The following LRRC42 variants were observed in gnomAD, a reference collection of about 807,000 sequenced individuals.
LRRC42 encodes leucine-rich repeat-containing protein 42.
LRRC42 carries 43 observed loss-of-function variants against 44.3 expected under a neutral mutation model. The ratio of observed to expected loss-of-function variants is 0.97; its 90% CI spans 0.76 to 1.25. The LOEUF is 1.25. LRRC42 is among the 50% of genes most tolerant of loss of function. LRRC42 has a pLI of 0.00. For synonymous variants in LRRC42, 207 were observed against 195.2 expected (o/e 1.06, Z -0.50); for missense variants, 540 against 509.1 (o/e 1.06, Z -0.58).
rs1480364055 is a variant in LRRC42, at chr1:53,946,416, C to T, written c.-182C>T. Reference sequence around the variant, plus strand: ...CCTGGTTGCCCCCAGCCCCCTCCCTCCTCCCACCTTCACTGTGTCCCACCC... The same window carrying T: ...CCTGGTTGCCCCCAGCCCCCTCCCTTCTCCCACCTTCACTGTGTCCCACCC... On this transcript the variant is annotated 5_prime_UTR_variant, in exon 1 of 9. Transcript: ENST00000371370. 1 of 152,232 alleles carries T rather than the reference C, an allele frequency of 6.6e-6. No individual in the cohort carries two copies. Among genetic ancestry groups the T allele is most frequent in the Admixed American group, 6.5e-5 (1 of 15,276 alleles). The allele number at this position is 152,232 out of a possible 1,614,324, so 9.4% of individuals were successfully genotyped here.
chr1:53,949,460 C>G (rs1654614685), intron 2 of LRRC42, among the ~76,000 whole-genome samples: 2 of 152,164 alleles, frequency 1.3e-5, no homozygotes, highest in African/African-American at 4.8e-5. Flanking sequence ...CACGTCAGTC[C>G]TTTTTAGGGC....
Position 53,966,360 on chromosome 1 carries a change from G to C in LRRC42, c.992G>C (p.Arg331Thr), listed in dbSNP as rs1557650173. ...AVKPRETSEP[R>T]AAAQRFYGKR... Reference sequence around the variant, plus strand: ...AAGCCACGGGAGACCTCGGAGCCTAGAGCAGCAGCTCAGCGCTTCTGTGAG... The same window carrying C: ...AAGCCACGGGAGACCTCGGAGCCTACAGCAGCAGCTCAGCGCTTCTGTGAG... The change falls in exon 8 of 9, where the codon AGA (arginine) becomes ACA (threonine). Residue 331 changes from arginine to threonine, a missense_variant. Arg to Thr is a moderately conservative substitution (Grantham distance 71). Coordinates refer to ENST00000371370, the MANE Select transcript of LRRC42 (RefSeq NM_001256409.2). 6.2e-7 allele frequency: 1 copy of C among 1,613,622 alleles called. No homozygotes were observed.
chr1:53,960,616 A>G (rs1459534338), intron 5 of LRRC42, 142 bp downstream of exon 5: 1 of 640,404 alleles, frequency 1.6e-6, no homozygotes, highest in Admixed American at 3.0e-5. Flanking sequence ...GCAGAACAGG[A>G]TTGAGGCCAA....
At chr1:53,957,616 G>A (rs1011529004) in intron 3 of LRRC42, among the ~76,000 whole-genome samples, 2 of 152,186 alleles carry the variant, frequency 1.3e-5, no homozygotes, top group African/African-American at 4.8e-5. Context: ...GTAAAGTTAG[G>A]ATAACAGGCA....
At chr1:53,955,206 A>C (rs922445633) in intron 3 of LRRC42, among the ~76,000 whole-genome samples, 1 of 152,188 alleles carries the variant, frequency 6.6e-6, no homozygotes, top group African/African-American at 2.4e-5. Context: ...ATACTTTCCT[A>C]TATTTTCTTA....
Position 53,951,973 on chromosome 1 carries a change from C to T in LRRC42, c.-14-13C>T, listed in dbSNP as rs1654696751. ...TTTAATTGGATTTGCTTCCCTGTGCCTTGCTTTTACAGTTGCAACCAAGGC... is the reference window on the plus strand; with the variant it reads ...TTTAATTGGATTTGCTTCCCTGTGCTTTGCTTTTACAGTTGCAACCAAGGC... On this transcript the variant is annotated splice_polypyrimidine_tract_variant and intron_variant, in intron 2 of 8. Transcript: ENST00000371370. 8.2e-6 allele frequency: 13 copies of T among 1,589,440 alleles called. No individual in the cohort carries two copies. Among genetic ancestry groups the T allele is most frequent in the Non-Finnish European group, 1.0e-5 (12 of 1,163,634 alleles).
chr1:53,968,037 C>T lies in LRRC42; in HGVS notation c.*98C>T. On this transcript the variant is annotated 3_prime_UTR_variant, in exon 9 of 9. Coordinates refer to ENST00000371370, the MANE Select transcript of LRRC42 (RefSeq NM_001256409.2). Reference sequence around the variant, plus strand: ...ACTTTTTGTTTGAATTTACCTATGGCATTAGCATAGTAAGCAGATATTTCT... The same window carrying T: ...ACTTTTTGTTTGAATTTACCTATGGTATTAGCATAGTAAGCAGATATTTCT... 1 of 1,269,316 alleles carries T rather than the reference C, an allele frequency of 7.9e-7. No homozygotes were observed. Among genetic ancestry groups the T allele is most frequent in the Non-Finnish European group, 1.1e-6 (1 of 907,462 alleles). 78.6% of individuals were successfully genotyped at this position (1,269,316 alleles called of 1,614,324 possible). A position where few individuals can be genotyped will look rare whatever the true frequency, so the allele number is the denominator to read the frequency against.
chr1:53,956,522 C>T (rs1002725698), intron 3 of LRRC42, among the ~76,000 whole-genome samples: 2 of 152,196 alleles, frequency 1.3e-5, no homozygotes, highest in African/African-American at 4.8e-5. Flanking sequence ...GGTTAAGTAA[C>T]TGTCTCACAA....
chr1:53,967,471 CA>C lies in LRRC42; in HGVS notation c.1013-193del, dbSNP rs1287363874. Among the ~76,000 whole-genome samples the C allele has an allele frequency of 2.0e-5, 3 of 152,322 alleles. 1 individual carries two copies. Among genetic ancestry groups the C allele is most frequent in the Admixed American group, 2.0e-4 (3 of 15,296 alleles). Reference sequence around the variant, plus strand: ...ATCTAGGATTTAAATCCAAATCTGTCAGACTGTAGTATGCCTCCAACCTGTG... The same window carrying C: ...ATCTAGGATTTAAATCCAAATCTGTCGACTGTAGTATGCCTCCAACCTGTG... On this transcript the variant is annotated intron_variant, in intron 8 of 8. Transcript: ENST00000371370.
At chr1:53,951,964 T>A in intron 2 of LRRC42, 22 bp from the exon 3 acceptor site, 1 of 1,560,626 alleles carries the variant, frequency 6.4e-7, no homozygotes, top group Non-Finnish European at 8.8e-7. Flanking sequence ...TGGATTTGCT[T>A]CCCTGTGCCT....
At chr1:53,963,399 G>C (rs1355349602) in intron 7 of LRRC42, among the ~76,000 whole-genome samples, 1 of 152,204 alleles carries the variant, frequency 6.6e-6, no homozygotes, top group Non-Finnish European at 1.5e-5. Context: ...TTTGGTAGCA[G>C]GTGACATGGT....
At position 53,966,346 on chromosome 1, in the gene LRRC42, G is replaced by A. The variant is rs2294514; in HGVS notation, c.978G>A (p.Glu326=). ...RVTAEAVKPR[E]TSEPRAAAQR... Reference sequence around the variant, plus strand: ...CTGCGGAAGCTGTGAAGCCACGGGAGACCTCGGAGCCTAGAGCAGCAGCTC... The same window carrying A: ...CTGCGGAAGCTGTGAAGCCACGGGAAACCTCGGAGCCTAGAGCAGCAGCTC... Residue 326 remains glutamate (E), a synonymous_variant, in exon 8 of 9, where the codon GAG becomes GAA. Transcript: ENST00000371370. 267,567 of 1,612,814 alleles carry A rather than the reference G, an allele frequency of 0.17. 31,836 individuals are homozygous for A. Among genetic ancestry groups the A allele is most frequent in the African/African-American group, 0.64 (47,714 of 74,958 alleles).
intron 4 of LRRC42, among the ~76,000 whole-genome samples, chr1:53,958,563 T>C (rs1278268167): frequency 6.6e-6 from 1 of 152,170 alleles, no homozygotes; most frequent in African/African-American, 2.4e-5. Context: ...AAAAAGTGGT[T>C]TTGCCCCTTA....
intron 3 of LRRC42, among the ~76,000 whole-genome samples, chr1:53,956,883 A>C (rs535588628): frequency 1.3e-5 from 2 of 152,324 alleles, no homozygotes; most frequent in African/African-American, 4.8e-5. Flanking sequence ...ATCCCCATTA[A>C]CACACTTCAA....
intron 2 of LRRC42, among the ~76,000 whole-genome samples, chr1:53,949,900 A>T (rs902731934): frequency 1.1e-4 from 17 of 152,256 alleles, no homozygotes; most frequent in Non-Finnish European, 1.5e-5. Flanking sequence ...CAGGCCCTAC[A>T]ACTGAGAGCA....
intron 7 of LRRC42, among the ~76,000 whole-genome samples, chr1:53,963,901 A>C (rs1655057815): frequency 2.0e-5 from 3 of 150,150 alleles, no homozygotes; most frequent in African/African-American, 2.5e-5. Flanking sequence ...TAAGATCTCC[A>C]ACTTCCCTTG....
chr1:53,961,382 G>A (rs1184157263), intron 5 of LRRC42, among the ~76,000 whole-genome samples: 2 of 151,866 alleles, frequency 1.3e-5, no homozygotes, highest in East Asian at 3.9e-4. Context: ...ACTCACTCCA[G>A]CCTGGGTGAC....
intron 6 of LRRC42, 32 bp downstream of exon 6, chr1:53,962,154 T>C (rs748053100): frequency 3.2e-6 from 5 of 1,564,750 alleles, no homozygotes; most frequent in Non-Finnish European, 4.4e-6. Flanking sequence ...CTCATTTTTC[T>C]AGACTCAACA....
chr1:53,947,749 C>T (rs7526168), intron 1 of LRRC42, 39 bp from the exon 2 acceptor site: 35,398 of 152,036 alleles, frequency 0.23, 5,838 homozygotes, highest in African/African-American at 0.47. Flanking sequence ...TTTTTGTTTG[C>T]TTTTGTTTTT....
Sources: gnomAD v4.1 joint callset for allele counts (sites outside exome capture counted in the v4.1 genomes callset) on GRCh38, gnomAD v4.1.1 for gene constraint, MANE v1.5 for transcripts, NCBI Gene and HGNC (gene_info 2026-07-23, HGNC 2026-07-21) for gene names.